The following NBAS variants were observed in gnomAD, a reference collection of about 807,000 sequenced individuals.
NBAS encodes the protein NAG/BC035112 fusion.
In NBAS, 219 loss-of-function variants were observed where a neutral mutation model predicts 302.5. The observed-to-expected ratio is 0.72, with a 90% CI of 0.65 to 0.81. The LOEUF is 0.81. Among genes scored for constraint, NBAS ranks in the 30% least tolerant of loss-of-function variants. The pLI is 0.00. For missense variants in NBAS, 2,932 were observed against 2,841.6 expected (o/e 1.03, Z -0.72); for synonymous variants, 1,118 against 1,021.6 (o/e 1.09, Z -1.80).
At chr2:15,529,226 G>T (rs187664113) in intron 9 of NBAS, among the ~76,000 whole-genome samples, 3 of 152,042 alleles carry the variant, frequency 2.0e-5, no homozygotes, top group Admixed American at 6.5e-5. Context: ...TTGGCAGGGC[G>T]TGGTGGCTCA....
the NBAS span, among the ~76,000 whole-genome samples, chr2:15,136,886 G>A: frequency 3.3e-5 from 5 of 152,114 alleles, no homozygotes; most frequent in African/African-American, 9.7e-5. Flanking sequence ...CATGTAAGAC[G>A]TGCCTTGCTT....
the NBAS span, among the ~76,000 whole-genome samples, chr2:15,134,161 G>A: frequency 6.6e-6 from 1 of 151,414 alleles, no homozygotes; most frequent in Admixed American, 6.6e-5. Context: ...ATAGAATAAG[G>A]AGGTGGGGCC....
At chr2:14,990,004 C>G in the NBAS span, among the ~76,000 whole-genome samples, 1 of 151,996 alleles carries the variant, frequency 6.6e-6, no homozygotes, top group East Asian at 1.9e-4. Context: ...AAATTTTACT[C>G]ATTTATATTT....
intron 35 of NBAS, among the ~76,000 whole-genome samples, chr2:15,338,670 CACAT>C (rs1398090521): frequency 6.8e-5 from 9 of 132,210 alleles, no homozygotes; most frequent in East Asian, 6.4e-4. Flanking sequence ...TACAAACACA[CACAT>C]ACACACACAC....
At chr2:15,057,627 C>A in the NBAS span, among the ~76,000 whole-genome samples, 1 of 152,114 alleles carries the variant, frequency 6.6e-6, no homozygotes, top group South Asian at 2.1e-4. Flanking sequence ...ATTCTTATGC[C>A]TTTGCGTCCT....
chr2:15,513,653 C>CA (rs1402584882), intron 9 of NBAS, among the ~76,000 whole-genome samples: 1 of 149,424 alleles, frequency 6.7e-6, no homozygotes, highest in Non-Finnish European at 1.5e-5. Flanking sequence ...AGCAAAAGAG[C>CA]AACAGACAGA....
the NBAS span, among the ~76,000 whole-genome samples, chr2:15,123,522 C>CG: frequency 1.3e-5 from 2 of 152,078 alleles, no homozygotes; most frequent in Non-Finnish European, 2.9e-5. Context: ...GTGGGCCCTA[C>CG]GGGGAGGTGT....
At chr2:15,332,644 A>G (rs75393826) in intron 35 of NBAS, among the ~76,000 whole-genome samples, 1,899 of 152,042 alleles carry the variant, frequency 0.012, 58 homozygotes, top group East Asian at 0.12. Context: ...TATGAAAAAA[A>G]CAACATATAA....
intron 35 of NBAS, among the ~76,000 whole-genome samples, chr2:15,340,786 CAA>C (rs1255650652): frequency 6.6e-6 from 1 of 152,044 alleles, no homozygotes; most frequent in Non-Finnish European, 1.5e-5. Flanking sequence ...CTGAGAAAAA[CAA>C]GACGACCGAG....
At chr2:15,027,374 CTTG>C in the NBAS span, among the ~76,000 whole-genome samples, 40 of 151,584 alleles carry the variant, frequency 2.6e-4, no homozygotes, top group East Asian at 9.6e-4. Flanking sequence ...TTTTCTTTTT[CTTG>C]TTGTTGTTAT....
At chr2:15,504,110 G>A (rs773804112) in intron 11 of NBAS, 35 bp downstream of exon 11, 38 of 1,568,506 alleles carry the variant, frequency 2.4e-5, no homozygotes, top group Non-Finnish European at 3.1e-5. Flanking sequence ...AAAAATGTTT[G>A]AGAAGCCCAC....
In NBAS at chr2:15,197,838, C is replaced by T. The variant is rs146270220; in HGVS notation, c.6433-7435G>A. ...TTGAATTACCCCCATCTCAAACATC[C>T]CTCTCAATTCAACTCAGCTTCTGGA... On this transcript the variant is annotated intron_variant, in intron 48 of 51. Coordinates refer to ENST00000281513, the MANE Select transcript of NBAS (RefSeq NM_015909.4). 1.8e-3 allele frequency among the ~76,000 whole-genome samples: 277 copies of T among 152,300 alleles called. 2 individuals carry two copies. The highest frequency in any genetic ancestry group is 6.2e-3 in the African/African-American group (258 of 41,560).
At position 15,417,674 on chromosome 2, in the gene NBAS, C is replaced by T; in HGVS notation, c.2616G>A (p.Glu872=). ...CALSLIRLGM[E]RNIPGLLVLC... The stretch of plus-strand genomic sequence containing the variant: ...GAACCAGCAAACCAGGAATATTCCG[C>T]TCCATCCCAAGTCGAATAAGTGACA... The change falls in exon 24 of 52, where the codon GAG becomes GAA. Residue 872 remains glutamate, a synonymous_variant. Coordinates refer to ENST00000281513, the MANE Select transcript of NBAS (RefSeq NM_015909.4). 6.2e-7 allele frequency: 1 copy of T among 1,613,978 alleles called. No individual in the cohort carries two copies. The highest frequency in any genetic ancestry group is 2.2e-5 in the East Asian group (1 of 44,816).
intron 48 of NBAS, among the ~76,000 whole-genome samples, chr2:15,208,726 G>A (rs1002701933): frequency 1.3e-5 from 2 of 151,594 alleles, no homozygotes; most frequent in African/African-American, 2.4e-5. Flanking sequence ...AATGAAGAAG[G>A]AAACTGAAAA....
At chr2:15,356,524 T>G (rs1284696550) in intron 32 of NBAS, 108 bp from the exon 33 acceptor site, 2 of 824,962 alleles carry the variant, frequency 2.4e-6, no homozygotes, top group African/African-American at 3.4e-5. Flanking sequence ...ACAGAGAGAT[T>G]ACAGGGATTT....
chr2:15,202,570 G>A (rs1297582139), intron 48 of NBAS, among the ~76,000 whole-genome samples: 4 of 151,478 alleles, frequency 2.6e-5, no homozygotes, highest in Admixed American at 6.6e-5. Flanking sequence ...ATGGAGTTTC[G>A]CTCTTGTTGC....
rs563419480 is a variant in NBAS at position 15,538,218 on chromosome 2, A to C, written c.513+1005T>G. The C allele has an allele frequency of 1.3e-5, 3 of 232,260 alleles. No homozygotes were observed. In the East Asian group the frequency reaches 2.5e-4, roughly 20 times the overall value. 14.4% of individuals were successfully genotyped at this position (232,260 alleles called of 1,614,324 possible). On this transcript the variant is annotated intron_variant, in intron 7 of 51. Transcript: ENST00000281513. ...TTCACCTGTAGTTATTGTATATGTG[A>C]CCAAATATAAAATTACATTTGAGCA...
the NBAS span, among the ~76,000 whole-genome samples, chr2:15,086,815 G>A: frequency 7.2e-5 from 11 of 152,306 alleles, no homozygotes; most frequent in Middle Eastern, 3.4e-3. Flanking sequence ...GGAGTGCCTA[G>A]ATATTTGGTC....
chr2:15,523,996 G>A (rs554938369), intron 9 of NBAS, among the ~76,000 whole-genome samples: 23 of 152,240 alleles, frequency 1.5e-4, no homozygotes, highest in Non-Finnish European at 1.3e-4. Context: ...AACTAAGGTA[G>A]GAAATATATC....
Sources: gnomAD v4.1 joint callset for allele counts (sites outside exome capture counted in the v4.1 genomes callset) on GRCh38, gnomAD v4.1.1 for gene constraint, MANE v1.5 for transcripts, NCBI Gene and HGNC (gene_info 2026-07-23, HGNC 2026-07-21) for gene names.